The following ANK1 variants were observed in gnomAD, a reference collection of about 807,000 sequenced individuals.
The protein encoded by ANK1 is ankyrin 1.
Under a neutral mutation model 210.4 loss-of-function variants are expected in ANK1, and 51 were observed. The observed-to-expected ratio is 0.24, with a 90% confidence interval of 0.19 to 0.31. The LOEUF is 0.31. Among genes scored for constraint, ANK1 ranks in the 10% least tolerant of loss-of-function variants. The pLI is 1.00. For missense variants in ANK1, 2,051 were observed against 2,504.4 expected (o/e 0.82, Z 3.86); for synonymous variants, 967 against 1,025.9 (o/e 0.94, Z 1.10).
intron 1 of ANK1, among the ~76,000 whole-genome samples, chr8:41,804,299 G>C (rs375080331): frequency 8.1e-4 from 124 of 152,310 alleles, no homozygotes; most frequent in Middle Eastern, 3.4e-3. Context: ...GGTGACCCAA[G>C]AGAGAAGGCA....
At chr8:41,779,428 T>C (rs998872313) in intron 1 of ANK1, among the ~76,000 whole-genome samples, 1 of 152,112 alleles carries the variant, frequency 6.6e-6, no homozygotes, top group Non-Finnish European at 1.5e-5. Context: ...TTTTCATTTT[T>C]TTTTTATTGA....
intron 1 of ANK1, among the ~76,000 whole-genome samples, chr8:41,775,821 A>T (rs1843912180): frequency 6.6e-6 from 1 of 152,180 alleles, no homozygotes; most frequent in African/African-American, 2.4e-5. Context: ...CAGAAGTTCA[A>T]GGCTGCAGTG....
At chr8:41,814,512 GT>G (rs1241387063) in intron 1 of ANK1, among the ~76,000 whole-genome samples, 1 of 152,126 alleles carries the variant, frequency 6.6e-6, no homozygotes, top group Non-Finnish European at 1.5e-5. Flanking sequence ...TGATCATAAA[GT>G]TATCAGAAAC....
In ANK1 at chr8:41,654,022, G is replaced by A. The variant is rs1804898782; in HGVS notation, c.*1768C>T. The A allele has an allele frequency of 1.3e-5, 2 of 152,264 alleles. No individual in the cohort carries two copies. 9.4% of individuals were successfully genotyped at this position (152,264 alleles called of 1,614,324 possible). On this transcript the variant is annotated 3_prime_UTR_variant, in exon 43 of 43. Transcript: ENST00000289734. Reference sequence around the variant, plus strand: ...CCCGCGGCCAGGGGGCCTCTGACGTGGAGGGGGCTTCTGTGCTACTTGGAA... The same window carrying A: ...CCCGCGGCCAGGGGGCCTCTGACGTAGAGGGGGCTTCTGTGCTACTTGGAA...
chr8:41,890,545 C>T (rs1484031962), intron 1 of ANK1, among the ~76,000 whole-genome samples: 4 of 151,908 alleles, frequency 2.6e-5, no homozygotes, highest in Non-Finnish European at 5.9e-5. Flanking sequence ...GCCGTCTCTA[C>T]TAAAAACACA....
intron 1 of ANK1, chr8:41,788,795 C>T (rs528021514): frequency 6.6e-6 from 1 of 152,300 alleles, no homozygotes; most frequent in South Asian, 2.1e-4. Flanking sequence ...CTAACACTTT[C>T]CTACTCAGAA....
rs182402172 is a variant in ANK1 at position 41,707,031 on chromosome 8, C to G, written c.1999-790G>C. Among the ~76,000 whole-genome samples, 73 of 152,318 alleles carry G rather than the reference C, an allele frequency of 4.8e-4. 1 individual carries two copies. Among genetic ancestry groups the G allele is most frequent in the Admixed American group, 4.4e-3 (68 of 15,300 alleles). On this transcript the variant is annotated intron_variant, in intron 17 of 42. Coordinates refer to ENST00000289734, the MANE Select transcript of ANK1 (RefSeq NM_000037.4). ...AGGAGAATCACTTGAACCTGGGAGGCAGAGGTTGCAGTGAGCCAAGATTGC... is the reference window on the plus strand; with the variant it reads ...AGGAGAATCACTTGAACCTGGGAGGGAGAGGTTGCAGTGAGCCAAGATTGC...
chr8:41,857,905 AAAAT>A (rs112696006), intron 1 of ANK1, among the ~76,000 whole-genome samples: 29 of 150,844 alleles, frequency 1.9e-4, no homozygotes, highest in East Asian at 3.9e-4. Context: ...CTCCATCTCA[AAAAT>A]AAATAAATAA....
At chr8:41,737,840 T>G (rs1445271056) in intron 2 of ANK1, among the ~76,000 whole-genome samples, 1 of 152,174 alleles carries the variant, frequency 6.6e-6, no homozygotes, top group Admixed American at 6.5e-5. Context: ...GAGGAAGCAC[T>G]TGTCTCAGCC....
chr8:41,867,500 T>A (rs1814694052), intron 1 of ANK1, among the ~76,000 whole-genome samples: 1 of 152,126 alleles, frequency 6.6e-6, no homozygotes, highest in South Asian at 2.1e-4. Flanking sequence ...CAGCCCCAAG[T>A]GATGTCCACT....
rs115071673 is a variant in ANK1, at chr8:41,794,222, G to A, written c.27+3290C>T. On this transcript the variant is annotated intron_variant, in intron 1 of 42. Coordinates refer to ENST00000289734, the MANE Select transcript of ANK1 (RefSeq NM_000037.4). ...TCCCCACATCAATGTACAAAGCCCT[G>A]CATCTTCTGCACCTGTGCCCCTTTC... 2.6e-3 allele frequency among the ~76,000 whole-genome samples: 402 copies of A among 152,248 alleles called. 2 individuals carry two copies. Among genetic ancestry groups the A allele is most frequent in the African/African-American group, 9.2e-3 (383 of 41,532 alleles).
At chr8:41,859,208 G>A (rs1369144731) in intron 1 of ANK1, among the ~76,000 whole-genome samples, 1 of 152,234 alleles carries the variant, frequency 6.6e-6, no homozygotes, top group Non-Finnish European at 1.5e-5. Context: ...AGGAGAGAAA[G>A]CCCCCTGGGC....
intron 1 of ANK1, among the ~76,000 whole-genome samples, chr8:41,818,191 C>T (rs1008347933): frequency 1.1e-4 from 17 of 152,188 alleles, no homozygotes; most frequent in African/African-American, 3.9e-4. Flanking sequence ...TCAATTCAAA[C>T]CCATTCCTAC....
Position 41,708,904 on chromosome 8 carries a change from A to G in ANK1, c.1872T>C (p.Tyr624=). 6.2e-7 allele frequency: 1 copy of G among 1,614,122 alleles called. No individual in the cohort carries two copies. The highest frequency in any genetic ancestry group is 8.5e-7 in the Non-Finnish European group (1 of 1,180,026). ...CCGACTCGGCGTTTGCTGAGCCCCC[A>G]TACTGCAGCAGACTACGGGCCACCT... ...QVEVARSLLQ[Y]GGSANAESVQ... The change falls in exon 17 of 43, where the codon TAT becomes TAC. Residue 624 remains tyrosine (Y), a synonymous_variant. Transcript: ENST00000289734.
intron 2 of ANK1, among the ~76,000 whole-genome samples, chr8:41,735,240 G>A (rs183001314): frequency 1.3e-5 from 2 of 152,272 alleles, no homozygotes; most frequent in East Asian, 3.9e-4. Context: ...AGTGCTACTC[G>A]GAGCCACAAA....
intron 1 of ANK1, among the ~76,000 whole-genome samples, chr8:41,840,702 G>A (rs1808731784): frequency 6.6e-6 from 1 of 152,192 alleles, no homozygotes; most frequent in Non-Finnish European, 1.5e-5. Context: ...CCTCCCAAAG[G>A]TGGGGTCTCC....
chr8:41,886,040 G>T (rs1397186395), intron 1 of ANK1, among the ~76,000 whole-genome samples: 4 of 152,218 alleles, frequency 2.6e-5, no homozygotes, highest in African/African-American at 9.7e-5. Flanking sequence ...ATTTAGCCAG[G>T]TGGGACAGGA....
At chr8:41,797,687 C>T (rs1456482007), upstream of ANK1, 10 of 1,249,552 alleles carry the variant, frequency 8.0e-6, no homozygotes, top group Non-Finnish European at 1.1e-5. The surrounding 1 kb of genome is among the most constrained non-coding windows in gnomAD (Gnocchi z 4.0). Context: ...CGCTTGCTGT[C>T]GGGCCGGGCG....
At chr8:41,861,604 C>T (rs974137942) in intron 1 of ANK1, among the ~76,000 whole-genome samples, 2 of 152,234 alleles carry the variant, frequency 1.3e-5, no homozygotes, top group African/African-American at 4.8e-5. Flanking sequence ...CACTCGGTGC[C>T]TGTGTTCACT....
Sources: allele counts gnomAD v4.1 joint callset (sites outside exome capture counted in the v4.1 genomes callset), GRCh38; gene constraint gnomAD v4.1.1; non-coding constraint Gnocchi (gnomAD v3.1); transcripts MANE v1.5; gene names NCBI Gene and HGNC (gene_info 2026-07-23, HGNC 2026-07-21).